The following JADE1 variants were observed in gnomAD, a reference collection of about 807,000 sequenced individuals.
The protein encoded by JADE1 is protein Jade-1.
JADE1 carries 14 observed loss-of-function variants against 81.8 expected under a neutral mutation model. That is an observed-to-expected ratio of 0.17 (90% CI 0.11 to 0.27). The LOEUF is 0.27. Among genes scored for constraint, JADE1 ranks in the 10% least tolerant of loss-of-function variants. JADE1 has a pLI of 1.00. For missense variants in JADE1, 690 were observed against 1,047.9 expected (o/e 0.66, Z 4.71); for synonymous variants, 353 against 391.9 (o/e 0.90, Z 1.17).
At chr4:128,817,774 C>T (rs746766036) in intron 1 of JADE1, among the ~76,000 whole-genome samples, 1 of 152,144 alleles carries the variant, frequency 6.6e-6, no homozygotes, top group South Asian at 2.1e-4. Flanking sequence ...TGGAAGCTCT[C>T]CCCCAGAAAA....
chr4:128,828,019 G>A (rs1728220648), intron 1 of JADE1: 2 of 296,496 alleles, frequency 6.7e-6, no homozygotes, highest in African/African-American at 2.3e-5. Context: ...TCCACCTTTT[G>A]TATTCCTGTA....
At chr4:128,842,674 C>A (rs556359843) in intron 2 of JADE1, among the ~76,000 whole-genome samples, 1 of 152,366 alleles carries the variant, frequency 6.6e-6, no homozygotes, top group South Asian at 2.1e-4. Flanking sequence ...GTGAAGACTA[C>A]ACCTGCATGG....
intron 9 of JADE1, among the ~76,000 whole-genome samples, chr4:128,866,758 G>A (rs1731809975): frequency 6.6e-6 from 1 of 152,214 alleles, no homozygotes; most frequent in South Asian, 2.1e-4. Flanking sequence ...GAGCTAATGG[G>A]AAAGATGTGG....
chr4:128,842,435 G>T (rs1426902798), intron 2 of JADE1, among the ~76,000 whole-genome samples: 6 of 152,034 alleles, frequency 3.9e-5, no homozygotes, highest in East Asian at 1.9e-4. Context: ...GAGTAGGTGG[G>T]ATTACAGGTG....
At chr4:128,856,362 G>A (rs1233689098) in intron 7 of JADE1, among the ~76,000 whole-genome samples, 1 of 152,168 alleles carries the variant, frequency 6.6e-6, no homozygotes, top group Non-Finnish European at 1.5e-5. Flanking sequence ...GGAAGTTAGT[G>A]GTGGTCACCC....
rs146368739 is a variant in JADE1, at chr4:128,861,524, T to G, written c.982-180T>G. Among the ~76,000 whole-genome samples, 129 of 152,324 alleles carry G rather than the reference T, an allele frequency of 8.5e-4. 1 individual carries two copies. Among genetic ancestry groups the G allele is most frequent in the Non-Finnish European group, 7.2e-4 (49 of 68,030 alleles). On this transcript the variant is annotated intron_variant, in intron 8 of 10. Coordinates refer to ENST00000226319, the MANE Select transcript of JADE1 (RefSeq NM_199320.4). The stretch of plus-strand genomic sequence containing the variant: ...TATAAAAAAAATTCCAAGCCTTACC[T>G]CTTTTAAAACATGACAGGATCTTGC...
intron 2 of JADE1, among the ~76,000 whole-genome samples, chr4:128,836,737 G>GTTTT (rs11443617): frequency 1.5e-5 from 2 of 133,156 alleles, no homozygotes; most frequent in Non-Finnish European, 3.2e-5. Context: ...GATCAGCACT[G>GTTTT]TTTTTTTTTT....
At chr4:128,817,183 C>T (rs1308919361) in intron 1 of JADE1, among the ~76,000 whole-genome samples, 2 of 151,878 alleles carry the variant, frequency 1.3e-5, no homozygotes, top group Non-Finnish European at 2.9e-5. Context: ...TGAAAGCGCT[C>T]ACAATTGACA....
chr4:128,845,381 G>A (rs1386710605), intron 3 of JADE1, among the ~76,000 whole-genome samples: 2 of 152,204 alleles, frequency 1.3e-5, no homozygotes, highest in East Asian at 1.9e-4. Context: ...TTGGCAGAGT[G>A]GGGAGAGGGT....
intron 9 of JADE1, among the ~76,000 whole-genome samples, chr4:128,866,890 C>T (rs1381038418): frequency 2.6e-5 from 4 of 152,100 alleles, no homozygotes; most frequent in African/African-American, 4.8e-5. Flanking sequence ...GTTTGCAGGT[C>T]CGTGTAATCT....
intron 1 of JADE1, among the ~76,000 whole-genome samples, chr4:128,813,210 G>T (rs913780378): frequency 6.6e-6 from 1 of 152,174 alleles, no homozygotes; most frequent in African/African-American, 2.4e-5. Context: ...GAGAAAGGTG[G>T]AGAAAGGAAG....
At chr4:128,868,066 T>C (rs1731913417) in intron 10 of JADE1, 93 bp downstream of exon 10, 1 of 651,920 alleles carries the variant, frequency 1.5e-6, no homozygotes, top group Admixed American at 2.4e-5. Context: ...TTAATTTTCT[T>C]ATAGAAGAAT....
Position 128,846,354 on chromosome 4 carries a change from TC to T in JADE1, c.139-18del. The T allele has an allele frequency of 6.2e-7, 1 of 1,612,118 alleles. No homozygotes were observed. On this transcript the variant is annotated intron_variant, in intron 3 of 10. Transcript: ENST00000226319. This position sits in a 1 kb window ranked among gnomAD's most constrained non-coding sequence, Gnocchi z 4.0. ...AGAATGCAAATATCAAATGTCAGTGTCCCTTTCTCTTCCTTTCCAGGTGTTT... is the reference window on the plus strand; with the variant it reads ...AGAATGCAAATATCAAATGTCAGTGTCCTTTCTCTTCCTTTCCAGGTGTTT...
intron 1 of JADE1, among the ~76,000 whole-genome samples, chr4:128,813,610 A>T (rs1257281176): frequency 6.6e-6 from 1 of 151,354 alleles, no homozygotes; most frequent in African/African-American, 2.4e-5. Context: ...TTTAGTAGAG[A>T]CGGGGTTTCA....
intron 7 of JADE1, among the ~76,000 whole-genome samples, chr4:128,856,040 A>G (rs899216742): frequency 6.6e-6 from 1 of 151,970 alleles, no homozygotes; most frequent in Admixed American, 6.6e-5. Context: ...GCTGGTCTCA[A>G]ACTCCTGGGA....
chr4:128,863,302 C>T (rs1731518846), intron 9 of JADE1: 10 of 985,498 alleles, frequency 1.0e-5, no homozygotes, highest in Non-Finnish European at 1.1e-5. Flanking sequence ...ACATCAACTC[C>T]CCTGGCTGCT....
chr4:128,821,602 C>T (rs1310359903), intron 1 of JADE1, among the ~76,000 whole-genome samples: 1 of 150,794 alleles, frequency 6.6e-6, no homozygotes, highest in African/African-American at 2.4e-5. Context: ...TCAAGCGATT[C>T]TCCTGCCTCA....
At chr4:128,844,604 G>C (rs776134175) in intron 3 of JADE1, among the ~76,000 whole-genome samples, 3 of 152,092 alleles carry the variant, frequency 2.0e-5, no homozygotes, top group Non-Finnish European at 4.4e-5. Flanking sequence ...GGCTCTTGAA[G>C]GTATAGGCCC....
chr4:128,829,419 T>C (rs1728343038), intron 1 of JADE1, among the ~76,000 whole-genome samples: 1 of 152,184 alleles, frequency 6.6e-6, no homozygotes, highest in African/African-American at 2.4e-5. Context: ...GAAGAATCAA[T>C]TGATAAACAA....
Sources: allele counts gnomAD v4.1 joint callset (sites outside exome capture counted in the v4.1 genomes callset), GRCh38; gene constraint gnomAD v4.1.1; non-coding constraint Gnocchi (gnomAD v3.1); transcripts MANE v1.5; gene names NCBI Gene and HGNC (gene_info 2026-07-23, HGNC 2026-07-21).